The following SPTBN1 variants were observed in gnomAD, a reference collection of about 807,000 sequenced individuals.
SPTBN1 encodes the protein spectrin beta, non-erythrocytic 1, also known as spectrin beta chain, non-erythrocytic 1.
Under a neutral mutation model 266.4 loss-of-function variants are expected in SPTBN1, and 32 were observed. The ratio of observed to expected loss-of-function variants is 0.12; its 90% CI spans 0.09 to 0.16. The LOEUF is 0.16. Among genes scored for constraint, SPTBN1 ranks in the 10% least tolerant of loss-of-function variants. The pLI is 1.00. For missense variants in SPTBN1, 2,296 were observed against 3,067.1 expected (o/e 0.75, Z 5.94); for synonymous variants, 1,336 against 1,162.2 (o/e 1.15, Z -3.04).
At chr2:54,556,503 A>T (rs989473378) in intron 2 of SPTBN1, among the ~76,000 whole-genome samples, 1 of 152,222 alleles carries the variant, frequency 6.6e-6, no homozygotes, top group Non-Finnish European at 1.5e-5. Context: ...TGGCCCAATG[A>T]TTAAAACGTT....
At chr2:54,506,281 G>A (rs1669552098) in intron 1 of SPTBN1, among the ~76,000 whole-genome samples, 1 of 152,172 alleles carries the variant, frequency 6.6e-6, no homozygotes, top group Non-Finnish European at 1.5e-5. Context: ...CCAGGCCATG[G>A]ACCTGTCCCA....
Position 54,492,338 on chromosome 2 carries a change from G to GGTTTTTTTTTTTTTTT in SPTBN1, c.-47-34034_-47-34033insGTTTTTTTTTTTTTTT, listed in dbSNP as rs1558775035. Among the ~76,000 whole-genome samples, 2 of 118,112 alleles carry GGTTTTTTTTTTTTTTT rather than the reference G, an allele frequency of 1.7e-5. 1 individual carries two copies. 77.5% of individuals were successfully genotyped at this position (118,112 alleles called of 152,430 possible). On this transcript the variant is annotated intron_variant, in intron 1 of 35. Transcript: ENST00000356805. The stretch of plus-strand genomic sequence containing the variant: ...TTACTGGACATTTAGTTTGTCTGCA[G>GGTTTTTTTTTTTTTTT]TTGTTTTTTTGTTTTTTTTTTTTTT...
intron 3 of SPTBN1, among the ~76,000 whole-genome samples, chr2:54,610,360 G>C (rs1323568632): frequency 6.6e-6 from 1 of 152,064 alleles, no homozygotes; most frequent in Non-Finnish European, 1.5e-5. Flanking sequence ...AATCATATTA[G>C]TCCTTAGGTA....
At chr2:54,556,257 C>T (rs1011290644) in intron 2 of SPTBN1, among the ~76,000 whole-genome samples, 8 of 152,180 alleles carry the variant, frequency 5.3e-5, no homozygotes, top group African/African-American at 1.9e-4. Context: ...TTCTTATCCC[C>T]GTGGGGTTAT....
chr2:54,603,553 C>T (rs890844039), intron 3 of SPTBN1, among the ~76,000 whole-genome samples: 3 of 152,106 alleles, frequency 2.0e-5, no homozygotes, highest in African/African-American at 7.2e-5. Context: ...TCCCATGGAG[C>T]CCTTAGGAGT....
chr2:54,514,187 A>G (rs1448112357), intron 1 of SPTBN1, among the ~76,000 whole-genome samples: 3 of 152,174 alleles, frequency 2.0e-5, no homozygotes, highest in African/African-American at 7.2e-5. Flanking sequence ...TTTCTGTCTC[A>G]TACCGTTTTT....
chr2:54,486,790 A>T (rs1178942767), intron 1 of SPTBN1, among the ~76,000 whole-genome samples: 1 of 152,166 alleles, frequency 6.6e-6, no homozygotes, highest in African/African-American at 2.4e-5. Flanking sequence ...TGCAGAAGAA[A>T]TGAAGAAAGG....
chr2:54,559,550 T>A (rs1040921404), intron 2 of SPTBN1, among the ~76,000 whole-genome samples: 1 of 152,074 alleles, frequency 6.6e-6, no homozygotes, highest in African/African-American at 2.4e-5. Flanking sequence ...ATTGAATGAG[T>A]CCAATATTTT....
Position 54,558,403 on chromosome 2 carries a change from G to C in SPTBN1, c.148+31837G>C, listed in dbSNP as rs1489445868. 3.0e-6 allele frequency: 3 copies of C among 1,013,000 alleles called. No individual in the cohort carries two copies. The East Asian group carries it at 3.0e-4, about 103-fold the overall frequency. 62.8% of individuals were successfully genotyped at this position (1,013,000 alleles called of 1,614,324 possible). A position where few individuals can be genotyped will look rare whatever the true frequency, so the allele number is the denominator to read the frequency against. On this transcript the variant is annotated intron_variant, in intron 2 of 35. Transcript: ENST00000356805. The surrounding 1 kb of genome is among the most constrained non-coding windows in gnomAD (Gnocchi z 4.6). ...CGGGCAGCTGGGAGGAGGTGTGCGC[G>C]CTGCGCCCGCGAGCTCCCGGGCTCG...
At chr2:54,462,327 T>C (rs1422031950) in intron 1 of SPTBN1, among the ~76,000 whole-genome samples, 1 of 152,230 alleles carries the variant, frequency 6.6e-6, no homozygotes, top group South Asian at 2.1e-4. Context: ...TTCTAACTTT[T>C]GTATTTTAAA....
Position 54,490,125 on chromosome 2 carries a change from G to T in SPTBN1, c.-48+33607G>T, listed in dbSNP as rs1259725062. ...AGGCGGAGTTGCACTTGTCACCCAG[G>T]CTGGAGTGCAATCTCAGCTCACTGC... On this transcript the variant is annotated intron_variant, in intron 1 of 35. Transcript: ENST00000356805. Among the ~76,000 whole-genome samples the T allele has an allele frequency of 3.3e-5, 5 of 150,870 alleles. No homozygotes were observed. The East Asian group carries it at 9.7e-4, about 29-fold the overall frequency.
intron 34 of SPTBN1, 72 bp downstream of exon 34, chr2:54,666,160 T>C: frequency 6.9e-7 from 1 of 1,458,426 alleles, no homozygotes; most frequent in Non-Finnish European, 9.3e-7. Flanking sequence ...TTGGTTTTCT[T>C]ATACAGCTGC....
At position 54,603,550 on chromosome 2, in the gene SPTBN1, G is replaced by C. The variant is rs138119035; in HGVS notation, c.300+4307G>C. 1.3e-3 allele frequency among the ~76,000 whole-genome samples: 198 copies of C among 152,230 alleles called. 4 individuals carry two copies. The South Asian group carries it at 0.036, about 28-fold the overall frequency. The stretch of plus-strand genomic sequence containing the variant: ...ACTCTTCAGCGCCTCCTTTCCCATG[G>C]AGCCCTTAGGAGTGGGTCCCAGCTG... On this transcript the variant is annotated intron_variant, in intron 3 of 35. Transcript: ENST00000356805.
intron 1 of SPTBN1, among the ~76,000 whole-genome samples, chr2:54,488,923 C>T (rs1457912787): frequency 1.3e-5 from 2 of 151,746 alleles, no homozygotes; most frequent in African/African-American, 4.8e-5. Flanking sequence ...TTATCAGAGA[C>T]TAAAATAACA....
At chr2:54,483,567 G>A (rs555504439) in intron 1 of SPTBN1, among the ~76,000 whole-genome samples, 16 of 152,270 alleles carry the variant, frequency 1.1e-4, no homozygotes, top group African/African-American at 3.4e-4. Context: ...GTGCCTTCCT[G>A]TCTCCTGCAT....
At chr2:54,459,407 G>T (rs542298062) in intron 1 of SPTBN1, among the ~76,000 whole-genome samples, 4 of 152,354 alleles carry the variant, frequency 2.6e-5, no homozygotes, top group South Asian at 4.1e-4. Context: ...TTTCCTGGAA[G>T]GGTTTGTAGA....
At chr2:54,495,826 AT>A (rs1277814923) in intron 1 of SPTBN1, among the ~76,000 whole-genome samples, 1 of 152,106 alleles carries the variant, frequency 6.6e-6, no homozygotes, top group Non-Finnish European at 1.5e-5. Context: ...TGGTTGTATA[AT>A]TTTGTTTAAA....
At chr2:54,662,360 C>T (rs1230969483) in intron 32 of SPTBN1, 2 of 978,226 alleles carry the variant, frequency 2.0e-6, no homozygotes, top group Non-Finnish European at 2.4e-6. Context: ...TTAATGATCT[C>T]TGCATACTGG....
Position 54,670,205 on chromosome 2 carries a change from A to T in SPTBN1, c.*1636A>T, listed in dbSNP as rs1185142603. On this transcript the variant is annotated 3_prime_UTR_variant, in exon 36 of 36. Coordinates refer to ENST00000356805, the MANE Select transcript of SPTBN1 (RefSeq NM_003128.3). ...TCTATTTTATACAGATCAGACCAAA[A>T]AGAAGAAAAAAAAAAAACAGGCAAG... The T allele has an allele frequency of 2.0e-5, 3 of 152,720 alleles. No homozygotes were observed. In the East Asian group the frequency reaches 5.8e-4, roughly 29 times the overall value. 9.5% of individuals were successfully genotyped at this position (152,720 alleles called of 1,614,324 possible).
Sources: gnomAD v4.1 joint callset for allele counts (sites outside exome capture counted in the v4.1 genomes callset) on GRCh38, gnomAD v4.1.1 for gene constraint, Gnocchi (gnomAD v3.1) non-coding constraint, MANE v1.5 for transcripts, NCBI Gene and HGNC (gene_info 2026-07-23, HGNC 2026-07-21) for gene names.